N4BP2L2: variants seen among roughly 807,000 people sequenced by gnomAD.
N4BP2L2 encodes NEDD4-binding protein 2-like 2.
N4BP2L2 carries 50 observed loss-of-function variants against 56.2 expected under a neutral mutation model. The observed-to-expected ratio is 0.89, with a 90% CI of 0.71 to 1.13. The LOEUF (loss-of-function observed/expected upper bound fraction) is 1.13, where lower values mean the gene tolerates loss of function less well. Ranked by LOEUF, N4BP2L2 falls within the 50% of genes most tolerant of loss-of-function variation. The probability of loss-of-function intolerance (pLI) is 0.00; values close to 1 mark genes in which losing one functional copy is unlikely to be tolerated. For synonymous variants in N4BP2L2, 203 were observed against 223.6 expected (o/e 0.91, Z 0.82); for missense variants, 689 against 693.8 (o/e 0.99, Z 0.08).
exon 7 of N4BP2L2, chr13:32,442,408 C>T: frequency 6.3e-7 from 1 of 1,595,154 alleles, no homozygotes; most frequent in Non-Finnish European, 8.5e-7. Flanking sequence ...GCCTGGAGAT[C>T]CAAAAAGCTT....
In N4BP2L2 at chr13:32,478,293, C is replaced by T. The variant is rs922582175; in HGVS notation, c.366-34167G>A. ...CTAGAGTCCTGTGAATTTAATGACC[C>T]CAAATTATTGGAGAACTTTGAGAAT... is the stretch of plus-strand genomic sequence containing the variant. On this transcript the variant is annotated intron_variant, in intron 6 of 9. Coordinates refer to the N4BP2L2 transcript ENST00000357505. The T allele has an allele frequency of 1.6e-5, 4 of 257,404 alleles. No individual in the cohort carries two copies. The Admixed American group carries it at 1.8e-4, about 12-fold the overall frequency. The allele number at this position is 257,404 out of a possible 1,614,324, so 15.9% of individuals were successfully genotyped here.
At chr13:32,459,171 C>A (rs1340526763) in intron 6 of N4BP2L2, among the ~76,000 whole-genome samples, 1 of 151,916 alleles carries the variant, frequency 6.6e-6, no homozygotes, top group Non-Finnish European at 1.5e-5. Context: ...GCAATAAATG[C>A]CTACATTAAG....
intron 7 of N4BP2L2, among the ~76,000 whole-genome samples, chr13:32,440,920 G>A (rs187541879): frequency 1.4e-5 from 2 of 145,052 alleles, no homozygotes; most frequent in African/African-American, 2.6e-5. Flanking sequence ...GTGTGATCTC[G>A]GCTCACTGCG....
rs368468489 is a variant in N4BP2L2 at position 32,448,642 on chromosome 13, G to A, written c.366-4516C>T. 7.2e-5 allele frequency among the ~76,000 whole-genome samples: 11 copies of A among 152,248 alleles called. 1 individual carries two copies. In the South Asian group the frequency reaches 2.3e-3, roughly 32 times the overall value. On this transcript the variant is annotated intron_variant, in intron 6 of 9. Transcript: ENST00000357505. ...AACTGTGACCTGATGACAAAGGTGAGAGAGCATCCAGATAAAGCTGAAGAA... is the reference window on the plus strand; with the variant it reads ...AACTGTGACCTGATGACAAAGGTGAAAGAGCATCCAGATAAAGCTGAAGAA...
intron 6 of N4BP2L2, among the ~76,000 whole-genome samples, chr13:32,491,247 T>C (rs2086998644): frequency 6.6e-6 from 1 of 152,166 alleles, no homozygotes; most frequent in Non-Finnish European, 1.5e-5. Context: ...TTACCATGCA[T>C]ATTTTACATA....
intron 6 of N4BP2L2, among the ~76,000 whole-genome samples, chr13:32,487,770 A>G (rs996645057): frequency 7.2e-5 from 11 of 152,244 alleles, no homozygotes; most frequent in South Asian, 2.1e-4. Context: ...AATATGAATC[A>G]TTTCTTATTT....
At chr13:32,488,323 T>A (rs912140114) in intron 6 of N4BP2L2, among the ~76,000 whole-genome samples, 3 of 152,166 alleles carry the variant, frequency 2.0e-5, no homozygotes, top group Non-Finnish European at 4.4e-5. Flanking sequence ...AACCAAATAC[T>A]GCATGTTCTC....
chr13:32,511,937 A>G (rs2048234344), exon 6 of N4BP2L2: 1 of 152,182 alleles, frequency 6.6e-6, no homozygotes, highest in Admixed American at 6.5e-5. Flanking sequence ...AAAAAACTGA[A>G]GAGTTCAGAA....
intron 6 of N4BP2L2, among the ~76,000 whole-genome samples, chr13:32,469,470 GGA>G (rs2081892402): frequency 6.6e-6 from 1 of 152,168 alleles, no homozygotes; most frequent in Non-Finnish European, 1.5e-5. Context: ...AGTCCCTGTG[GGA>G]TGCAGCGCAG....
chr13:32,462,192 A>C (rs1452298585), intron 6 of N4BP2L2, among the ~76,000 whole-genome samples: 2 of 152,222 alleles, frequency 1.3e-5, no homozygotes, highest in African/African-American at 4.8e-5. Flanking sequence ...GAATCAACCT[A>C]AGTGTACATA....
rs1045925 is a variant in N4BP2L2, at chr13:32,517,172, A to G, written c.*630T>C. The G allele has an allele frequency of 0.013, 12,651 of 985,296 alleles. 1,197 individuals are homozygous for G. In the African/African-American group the frequency reaches 0.2, roughly 16 times the overall value. The allele number at this position is 985,296 out of a possible 1,614,324, so 61.0% of individuals were successfully genotyped here. Reference sequence around the variant, plus strand: ...GGGAGATGGGTTGAGAAGGAGGATGATAACTATGTATGCATTACAAGATGA... The same window carrying G: ...GGGAGATGGGTTGAGAAGGAGGATGGTAACTATGTATGCATTACAAGATGA... On this transcript the variant is annotated 3_prime_UTR_variant, in exon 6 of 6. Transcript: ENST00000267068.
intron 9 of N4BP2L2, among the ~76,000 whole-genome samples, chr13:32,435,189 CT>C (rs1000034790): frequency 1.3e-5 from 2 of 152,156 alleles, no homozygotes; most frequent in African/African-American, 4.8e-5. Flanking sequence ...GGTGTTTTTA[CT>C]GCTATATCTT....
At chr13:32,473,732 A>G (rs1394012189) in intron 6 of N4BP2L2, among the ~76,000 whole-genome samples, 1 of 152,180 alleles carries the variant, frequency 6.6e-6, no homozygotes, top group East Asian at 1.9e-4. Flanking sequence ...AAATCCAGCA[A>G]CACTGTCTCT....
chr13:32,515,614 G>A (rs1237036069), exon 6 of N4BP2L2: 1 of 152,046 alleles, frequency 6.6e-6, no homozygotes, highest in Non-Finnish European at 1.5e-5. Flanking sequence ...AGGAGATGAA[G>A]ACAAGTCTAT....
At chr13:32,501,889 A>G (rs2090080112) in intron 6 of N4BP2L2, among the ~76,000 whole-genome samples, 1 of 152,130 alleles carries the variant, frequency 6.6e-6, no homozygotes, top group African/African-American at 2.4e-5. Context: ...CCAACAGTCT[A>G]TGCAACATAG....
chr13:32,501,064 C>T (rs2089919590), intron 6 of N4BP2L2, among the ~76,000 whole-genome samples: 1 of 152,074 alleles, frequency 6.6e-6, no homozygotes, highest in Non-Finnish European at 1.5e-5. Flanking sequence ...GACGAGGTTT[C>T]GCCATTTTAC....
intron 3 of N4BP2L2, among the ~76,000 whole-genome samples, chr13:32,526,310 C>A (rs912293261): frequency 6.6e-6 from 1 of 152,148 alleles, no homozygotes; most frequent in Admixed American, 6.5e-5. Flanking sequence ...AACAAAATAA[C>A]TGTGAAGAGA....
At chr13:32,528,202 C>T (rs1573665) in intron 2 of N4BP2L2, among the ~76,000 whole-genome samples, 1,750 of 152,256 alleles carry the variant, frequency 0.011, 42 homozygotes, top group African/African-American at 0.039. Context: ...TCTAGTGCAA[C>T]AGGTAACCTA....
At chr13:32,475,283 T>C (rs544328422) in intron 6 of N4BP2L2, among the ~76,000 whole-genome samples, 2 of 152,254 alleles carry the variant, frequency 1.3e-5, no homozygotes, top group South Asian at 2.1e-4. Context: ...CTGGTCAAGG[T>C]TGAGAAAGAA....
Sources: allele counts gnomAD v4.1 joint callset (sites outside exome capture counted in the v4.1 genomes callset), GRCh38; gene constraint gnomAD v4.1.1; transcripts MANE v1.5; gene names NCBI Gene and HGNC (gene_info 2026-07-23, HGNC 2026-07-21).